ZPLD1: variants seen among roughly 807,000 people sequenced by gnomAD.
The protein encoded by ZPLD1 is zona pellucida-like domain-containing protein 1.
In ZPLD1, 34 loss-of-function variants were observed where a neutral mutation model predicts 47.2. The observed-to-expected ratio is 0.72, with a 90% CI of 0.55 to 0.96. The LOEUF is 0.96. ZPLD1 is among the 40% of genes least tolerant of loss of function. The pLI, the probability that ZPLD1 is intolerant of heterozygous loss-of-function variation, is 0.00. For missense variants in ZPLD1, 512 were observed against 505.8 expected (o/e 1.01, Z -0.12); for synonymous variants, 176 against 186.2 (o/e 0.95, Z 0.45).
At chr3:102,462,259 T>C in intron 6 of ZPLD1, 22 bp from the exon 7 acceptor site, 1 of 1,512,868 alleles carries the variant, frequency 6.6e-7, no homozygotes, top group Non-Finnish European at 9.1e-7. Context: ...TAATAATAGA[T>C]TTTTTATTGT....
In ZPLD1 at chr3:102,388,294, CTT is replaced by C. The variant is rs150903424; in HGVS notation, c.-213+2978_-213+2979del. ...GATATACTGAGAGAGTATACTCTCT[CTT>C]GTATATTTTCTCTCATATTTGTAAT... On this transcript the variant is annotated intron_variant, in intron 6 of 17. Coordinates refer to the ZPLD1 transcript ENST00000491959. Among the ~76,000 whole-genome samples, 1,404 of 152,144 alleles carry C rather than the reference CTT, an allele frequency of 9.2e-3. 22 individuals carry two copies. Among genetic ancestry groups the C allele is most frequent in the African/African-American group, 0.032 (1,346 of 41,508 alleles).
At chr3:102,476,084 C>T (rs1294490116) in intron 10 of ZPLD1, among the ~76,000 whole-genome samples, 1 of 152,006 alleles carries the variant, frequency 6.6e-6, no homozygotes, top group Admixed American at 6.6e-5. Flanking sequence ...GCAATAATAT[C>T]CAAACCATAT....
At chr3:102,391,996 A>G (rs899972265) in intron 6 of ZPLD1, among the ~76,000 whole-genome samples, 1 of 152,152 alleles carries the variant, frequency 6.6e-6, no homozygotes, top group Non-Finnish European at 1.5e-5. Flanking sequence ...CTAATCAACT[A>G]ACCAACCAAC....
chr3:102,449,406 T>C (rs982275465), intron 3 of ZPLD1, among the ~76,000 whole-genome samples: 2 of 152,234 alleles, frequency 1.3e-5, no homozygotes, highest in Admixed American at 6.5e-5. Flanking sequence ...TTCATTTTCA[T>C]AGTTTCAGTT....
At chr3:102,470,598 C>A in intron 10 of ZPLD1, 96 bp downstream of exon 10, 1 of 882,668 alleles carries the variant, frequency 1.1e-6, no homozygotes, top group Non-Finnish European at 1.8e-6. Context: ...TCCTAAACAG[C>A]ACTAATTAAT....
intron 1 of ZPLD1, 129 bp downstream of exon 1, chr3:102,435,283 AC>A (rs1255926984): frequency 1.0e-6 from 1 of 987,358 alleles, no homozygotes; most frequent in African/African-American, 1.6e-5. Flanking sequence ...AAATAGGGAT[AC>A]TGCCTTTATA....
At chr3:102,405,914 G>A (rs1706675895) in intron 7 of ZPLD1, among the ~76,000 whole-genome samples, 1 of 151,894 alleles carries the variant, frequency 6.6e-6, no homozygotes, top group African/African-American at 2.4e-5. Flanking sequence ...GAGTTGGGCT[G>A]TATGCTTCCC....
chr3:102,438,683 G>C, intron 3 of ZPLD1, 90 bp downstream of exon 3: 1 of 917,102 alleles, frequency 1.1e-6, no homozygotes, highest in Non-Finnish European at 1.7e-6. Flanking sequence ...TGGAGAACGG[G>C]GGGCTATCTC....
Position 102,456,363 on chromosome 3 carries a change from C to T in ZPLD1, c.498C>T (p.Thr166=). 6.2e-7 allele frequency: 1 copy of T among 1,608,998 alleles called. No individual in the cohort carries two copies. Among genetic ancestry groups the T allele is most frequent in the Non-Finnish European group, 8.5e-7 (1 of 1,178,098 alleles). The change falls in exon 5 of 12, where the codon ACC becomes ACT. Residue 166 remains threonine (T), a synonymous_variant. Coordinates refer to ENST00000466937, the MANE Select transcript of ZPLD1 (RefSeq NM_001329788.2). ...SYPLEYLVNN[T]QLASSSAAIS... ...CATTGGAATACCTGGTTAATAATAC[C>T]CAGCTTGCTTCGTAAGTTTGCATTT...
At chr3:102,426,841 T>A (rs1470979960) in intron 8 of ZPLD1, among the ~76,000 whole-genome samples, 2 of 152,212 alleles carry the variant, frequency 1.3e-5, no homozygotes, top group Non-Finnish European at 2.9e-5. Flanking sequence ...GTTTTATTGT[T>A]CACAAGCAGC....
intron 8 of ZPLD1, among the ~76,000 whole-genome samples, chr3:102,418,483 A>G (rs1706837392): frequency 6.6e-6 from 1 of 151,924 alleles, no homozygotes; most frequent in Non-Finnish European, 1.5e-5. Flanking sequence ...ATTTATCCCA[A>G]ATATTTTTAT....
At chr3:102,402,245 T>A (rs1254538676) in intron 7 of ZPLD1, among the ~76,000 whole-genome samples, 1 of 151,950 alleles carries the variant, frequency 6.6e-6, no homozygotes, top group Non-Finnish European at 1.5e-5. Context: ...CAAAGTCAAT[T>A]AGAAAAAATT....
intron 6 of ZPLD1, among the ~76,000 whole-genome samples, chr3:102,458,905 C>T (rs999952310): frequency 1.6e-4 from 24 of 151,760 alleles, no homozygotes; most frequent in African/African-American, 4.1e-4. Flanking sequence ...CTGGCTAACA[C>T]GGTGAAACCC....
chr3:102,459,026 G>A (rs1044669438), intron 6 of ZPLD1, among the ~76,000 whole-genome samples: 6 of 144,322 alleles, frequency 4.2e-5, no homozygotes, highest in African/African-American at 1.6e-4. Flanking sequence ...GGAGGCGGAG[G>A]TTGCAGGGAG....
chr3:102,440,430 T>G (rs1480317596), intron 3 of ZPLD1, among the ~76,000 whole-genome samples: 1 of 152,116 alleles, frequency 6.6e-6, no homozygotes, highest in African/African-American at 2.4e-5. Flanking sequence ...TAAAGGATGT[T>G]TTTAACTGGA....
In ZPLD1 at chr3:102,435,637, ATT is replaced by A. The variant is rs60085952; in HGVS notation, c.-123+503_-123+504del. 7.9e-3 allele frequency among the ~76,000 whole-genome samples: 922 copies of A among 117,332 alleles called. 3 individuals are homozygous for A. Among genetic ancestry groups the A allele is most frequent in the Non-Finnish European group, 9.7e-3 (568 of 58,486 alleles). 77.0% of individuals were successfully genotyped at this position (117,332 alleles called of 152,430 possible). Reference sequence around the variant, plus strand: ...TGTAAAGTCTATGATCATCATCTTGATTTTTTTTTTTTTTTTTTTTTCTGAGA... The same window carrying A: ...TGTAAAGTCTATGATCATCATCTTGATTTTTTTTTTTTTTTTTTTCTGAGA... On this transcript the variant is annotated intron_variant, in intron 1 of 11. Coordinates refer to ENST00000466937, the MANE Select transcript of ZPLD1 (RefSeq NM_001329788.2).
intron 7 of ZPLD1, among the ~76,000 whole-genome samples, chr3:102,408,023 T>C (rs1029919751): frequency 6.6e-6 from 1 of 151,824 alleles, no homozygotes; most frequent in African/African-American, 2.4e-5. Context: ...TTTTTTGCTG[T>C]ATGTCACAGA....
chr3:102,450,934 T>C (rs1339983456), intron 3 of ZPLD1, among the ~76,000 whole-genome samples: 2 of 152,232 alleles, frequency 1.3e-5, no homozygotes, highest in Admixed American at 1.3e-4. Flanking sequence ...GATACTTGAT[T>C]TTAAGTAGTG....
intron 3 of ZPLD1, among the ~76,000 whole-genome samples, chr3:102,442,723 A>C (rs945013333): frequency 6.6e-6 from 1 of 152,176 alleles, no homozygotes; most frequent in African/African-American, 2.4e-5. Flanking sequence ...TAATGATGAG[A>C]GCAATCATCT....
Sources: gnomAD v4.1 joint callset for allele counts (sites outside exome capture counted in the v4.1 genomes callset) on GRCh38, gnomAD v4.1.1 for gene constraint, MANE v1.5 for transcripts, NCBI Gene and HGNC (gene_info 2026-07-23, HGNC 2026-07-21) for gene names.